Variants in FLNB observed in about 807,000 individuals in gnomAD.
The protein encoded by FLNB is filamin-B.
A neutral mutation model predicts 250.6 loss-of-function variants in FLNB; 111 were observed. The ratio of observed to expected loss-of-function variants is 0.44; its 90% CI spans 0.38 to 0.52. The LOEUF (loss-of-function observed/expected upper bound fraction) is 0.52, where lower values mean the gene tolerates loss of function less well. FLNB is among the 20% of genes least tolerant of loss of function. The pLI, the probability that FLNB is intolerant of heterozygous loss-of-function variation, is 0.00. For missense variants in FLNB, 2,869 were observed against 3,447.8 expected, an observed-to-expected ratio of 0.83 and a Z score of 4.20; for synonymous variants, 1,302 against 1,372.1, an observed-to-expected ratio of 0.95 and a Z score of 1.13.
chr3:58,166,785 G>A (rs973270249), intron 43 of FLNB, among the ~76,000 whole-genome samples: 18 of 151,282 alleles, frequency 1.2e-4, no homozygotes, highest in Non-Finnish European at 2.1e-4. Flanking sequence ...TCATGCCACC[G>A]TACTCCAGCC....
intron 1 of FLNB, among the ~76,000 whole-genome samples, chr3:58,076,044 T>C (rs1300567140): frequency 2.6e-5 from 4 of 152,188 alleles, no homozygotes; most frequent in Non-Finnish European, 4.4e-5. Context: ...AAAGGGGCCA[T>C]GATTTTGGCT....
chr3:58,095,219 G>GTTTGTTTGTTTATTTATTTA (rs1553694976), intron 5 of FLNB, among the ~76,000 whole-genome samples: 1 of 95,434 alleles, frequency 1.0e-5, no homozygotes, highest in African/African-American at 4.8e-5. Flanking sequence ...GTCAGTTGAG[G>GTTTGTTTGTTTATTTATTTA]TTTATGTATG....
chr3:58,071,107 CA>C (rs2106924179), intron 1 of FLNB, among the ~76,000 whole-genome samples: 1 of 151,656 alleles, frequency 6.6e-6, no homozygotes, highest in South Asian at 2.1e-4. Flanking sequence ...TGCACCACTA[CA>C]CCTGACTAAT....
chr3:58,017,165 G>A (rs1313384671), intron 1 of FLNB, among the ~76,000 whole-genome samples: 2 of 152,336 alleles, frequency 1.3e-5, no homozygotes, highest in African/African-American at 4.8e-5. Context: ...CAGCAGGTGA[G>A]AGTAGGTATA....
intron 2 of FLNB, chr3:58,078,391 A>G (rs1258733844): frequency 1.3e-6 from 2 of 1,526,944 alleles, no homozygotes; most frequent in Non-Finnish European, 1.7e-6. Context: ...TAGAGTAAAA[A>G]ATAAAATCCC....
chr3:58,102,326 C>A lies in FLNB; in HGVS notation c.1469C>A (p.Thr490Asn). The A allele has an allele frequency of 6.2e-7, 1 of 1,613,254 alleles. No individual in the cohort carries two copies. The highest frequency in any genetic ancestry group is 8.5e-7 in the Non-Finnish European group (1 of 1,179,716). The change falls in exon 9 of 46, where the codon ACC (threonine) becomes AAC (asparagine). Residue 490 changes from threonine to asparagine, a missense_variant. Physicochemically the swap from Thr to Asn is moderately conservative, Grantham distance 65 (BLOSUM62 0). Around this residue, in one of 5 missense-constraint regions of FLNB, gnomAD observed 1,348 missense variants for 1,466.7 expected, o/e 0.92. Coordinates refer to ENST00000295956, the MANE Select transcript of FLNB (RefSeq NM_001457.4). ...KAAGSGELGV[T>N]MKGPKGLEEL... ...GCAGGAAGTGGGGAGCTCGGTGTAA[C>A]CATGAAGGGTCCTAGTAAGTGTTCC...
chr3:58,156,459 C>T (rs572923120), intron 41 of FLNB, among the ~76,000 whole-genome samples: 1 of 152,296 alleles, frequency 6.6e-6, no homozygotes, highest in East Asian at 1.9e-4. Context: ...TTGTTGGCTG[C>T]CTTTCTTCAA....
intron 1 of FLNB, among the ~76,000 whole-genome samples, chr3:58,076,327 T>TGCATGTATACACACACAC (rs374419120): frequency 6.6e-5 from 10 of 152,156 alleles, no homozygotes; most frequent in African/African-American, 2.4e-4. Flanking sequence ...CAAACACACA[T>TGCATGTATACACACACAC]GCATGTATAC....
chr3:58,026,218 A>G (rs913640868), intron 1 of FLNB, among the ~76,000 whole-genome samples: 21 of 152,194 alleles, frequency 1.4e-4, no homozygotes, highest in Non-Finnish European at 2.8e-4. Context: ...TACATCCTCC[A>G]TGAGGCTGAG....
intron 1 of FLNB, among the ~76,000 whole-genome samples, chr3:58,067,411 A>G (rs2097187217): frequency 6.6e-6 from 1 of 152,194 alleles, no homozygotes; most frequent in African/African-American, 2.4e-5. Flanking sequence ...TTCATGAGCA[A>G]GAAAGAGAAT....
rs146194767 is a variant in FLNB, at chr3:58,078,646, T to G, written c.542-71T>G. The G allele has an allele frequency of 2.0e-4, 304 of 1,525,392 alleles. 1 individual carries two copies. In the African/African-American group the frequency reaches 3.2e-3, roughly 16 times the overall value. The allele number at this position is 1,525,392 out of a possible 1,614,324, so 94.5% of individuals were successfully genotyped here. A position where few individuals can be genotyped will look rare whatever the true frequency, so the allele number is the denominator to read the frequency against. Reference sequence around the variant, plus strand: ...AACTAAAAGAAAAAATGGGGTTAGTTTAGGCACATGGTTTCCTTTAATCTC... The same window carrying G: ...AACTAAAAGAAAAAATGGGGTTAGTGTAGGCACATGGTTTCCTTTAATCTC... On this transcript the variant is annotated intron_variant, in intron 2 of 45. Transcript: ENST00000295956.
intron 1 of FLNB, among the ~76,000 whole-genome samples, chr3:58,061,588 A>G (rs1396056955): frequency 2.0e-5 from 3 of 151,854 alleles, no homozygotes; most frequent in Non-Finnish European, 2.9e-5. Context: ...TTAGCCAGGC[A>G]TGGTGGTGAC....
chr3:58,083,367 C>CTTTTTTTT (rs71091341), intron 4 of FLNB, among the ~76,000 whole-genome samples: 2 of 91,488 alleles, frequency 2.2e-5, no homozygotes, highest in Non-Finnish European at 2.1e-5. Flanking sequence ...TCAGCTTAGT[C>CTTTTTTTT]TTTTTTTTTT....
intron 32 of FLNB, among the ~76,000 whole-genome samples, chr3:58,145,704 T>TA (rs1263467551): frequency 6.6e-6 from 1 of 152,152 alleles, no homozygotes; most frequent in Non-Finnish European, 1.5e-5. Context: ...TTGTTTTTCT[T>TA]ATGTTGTGAT....
intron 25 of FLNB, among the ~76,000 whole-genome samples, chr3:58,131,180 T>C (rs773775828): frequency 6.6e-6 from 1 of 152,178 alleles, no homozygotes; most frequent in South Asian, 2.1e-4. Context: ...TGTAATATGG[T>C]GGCGACTGTT....
At chr3:58,026,326 C>T (rs1293743490) in intron 1 of FLNB, among the ~76,000 whole-genome samples, 1 of 152,080 alleles carries the variant, frequency 6.6e-6, no homozygotes, top group Non-Finnish European at 1.5e-5. Context: ...CTGCCTTGGC[C>T]CTGGGCAGCA....
intron 18 of FLNB, among the ~76,000 whole-genome samples, chr3:58,116,237 G>T (rs1181515170): frequency 6.6e-6 from 1 of 152,136 alleles, no homozygotes; most frequent in Non-Finnish European, 1.5e-5. Context: ...AAGAGACCTG[G>T]GTCAGCCCAG....
intron 6 of FLNB, among the ~76,000 whole-genome samples, chr3:58,096,468 G>A (rs1169033522): frequency 1.3e-5 from 2 of 152,128 alleles, no homozygotes; most frequent in Non-Finnish European, 2.9e-5. Context: ...TGTGTCTGGA[G>A]TGTAGATGCT....
chr3:58,165,492 A>G (rs1402069244), intron 43 of FLNB: 1 of 152,240 alleles, frequency 6.6e-6, no homozygotes, highest in Non-Finnish European at 1.5e-5. Flanking sequence ...TGCAGTGTGC[A>G]TGGAATGAAA....
Sources: allele counts gnomAD v4.1 joint callset (sites outside exome capture counted in the v4.1 genomes callset), GRCh38; gene constraint gnomAD v4.1.1; regional missense constraint gnomAD v4.1.1; transcripts MANE v1.5; gene names NCBI Gene and HGNC (gene_info 2026-07-23, HGNC 2026-07-21).